Variants in GALNT7 observed in about 807,000 individuals in gnomAD.
GALNT7 encodes the protein polypeptide N-acetylgalactosaminyltransferase 7, also known as N-acetylgalactosaminyltransferase 7.
In GALNT7, 60 loss-of-function variants were observed where a neutral mutation model predicts 82.1. That is an observed-to-expected ratio of 0.73 (90% confidence interval 0.59 to 0.91). GALNT7 has a LOEUF of 0.91. GALNT7 is among the 40% of genes least tolerant of loss of function. The probability of loss-of-function intolerance (pLI) is 0.00; values close to 1 mark genes in which losing one functional copy is unlikely to be tolerated. For missense variants in GALNT7, 660 were observed against 804.2 expected (o/e 0.82, Z 2.17); for synonymous variants, 243 against 275.1 (o/e 0.88, Z 1.15).
chr4:173,294,714 G>A (rs1383601365), intron 3 of GALNT7, among the ~76,000 whole-genome samples: 1 of 152,040 alleles, frequency 6.6e-6, no homozygotes, highest in Non-Finnish European at 1.5e-5. Flanking sequence ...TGGAAATTTT[G>A]CCAAATGTGT....
At chr4:173,262,970 G>A (rs1326783408) in intron 2 of GALNT7, among the ~76,000 whole-genome samples, 1 of 152,066 alleles carries the variant, frequency 6.6e-6, no homozygotes, top group Non-Finnish European at 1.5e-5. Context: ...AGTATATTAG[G>A]GTATATTATT....
chr4:173,243,159 G>T (rs1734492124), intron 1 of GALNT7, among the ~76,000 whole-genome samples: 1 of 152,070 alleles, frequency 6.6e-6, no homozygotes, highest in Non-Finnish European at 1.5e-5. Flanking sequence ...ACTGTCATTT[G>T]CTCTAAAGAC....
chr4:173,271,150 T>C lies in GALNT7; in HGVS notation c.588-20958T>C, dbSNP rs575082456. 1.6e-4 allele frequency among the ~76,000 whole-genome samples: 24 copies of C among 152,346 alleles called. No homozygotes were observed. In the East Asian group the frequency reaches 4.6e-3, roughly 29 times the overall value. On this transcript the variant is annotated intron_variant, in intron 2 of 11. Coordinates refer to ENST00000265000, the MANE Select transcript of GALNT7 (RefSeq NM_017423.3). ...CATCTGCAAAGTGAATACGAAAATT[T>C]GGTCTAATTCTGTTAGTAAGTTGAC...
chr4:173,298,258 A>G lies in GALNT7; in HGVS notation c.1109A>G (p.Gln370Arg). Residue 370 changes from glutamine to arginine, a missense_variant, in exon 6 of 12, where the codon CAA (glutamine) becomes CGA (arginine). This residue lies in a region of GALNT7 where 527 missense variants were observed against 683.5 expected (regional missense o/e 0.77). Coordinates refer to ENST00000265000, the MANE Select transcript of GALNT7 (RefSeq NM_017423.3). The stretch of plus-strand genomic sequence containing the variant: ...TGGAAACGGGTGCCTCTGACCCCTC[A>G]AGAGAAGAGACTGAGAAAGACAAAA... ...MLWKRVPLTP[Q>R]EKRLRKTKTE... 6.3e-7 allele frequency: 1 copy of G among 1,594,398 alleles called. No individual in the cohort carries two copies. The highest frequency in any genetic ancestry group is 8.5e-7 in the Non-Finnish European group (1 of 1,173,902).
At chr4:173,178,797 A>G (rs945540186) in intron 1 of GALNT7, among the ~76,000 whole-genome samples, 4 of 152,258 alleles carry the variant, frequency 2.6e-5, no homozygotes, top group African/African-American at 7.2e-5. Context: ...TATCAATACC[A>G]ACTAGTCTGC....
chr4:173,301,344 C>G (rs1359546518), intron 6 of GALNT7, among the ~76,000 whole-genome samples: 1 of 152,030 alleles, frequency 6.6e-6, no homozygotes, highest in African/African-American at 2.4e-5. Flanking sequence ...TGTAATTTCT[C>G]CCAATGGTGG....
intron 1 of GALNT7, among the ~76,000 whole-genome samples, chr4:173,191,188 G>A (rs1327972964): frequency 6.6e-6 from 1 of 152,018 alleles, no homozygotes; most frequent in African/African-American, 2.4e-5. Flanking sequence ...GCTCACAAAA[G>A]CGCCTGGCAA....
intron 1 of GALNT7, among the ~76,000 whole-genome samples, chr4:173,194,850 A>G (rs1377116109): frequency 1.3e-5 from 2 of 152,070 alleles, no homozygotes; most frequent in Non-Finnish European, 2.9e-5. Flanking sequence ...GATAAATTTA[A>G]TCTGGTTTTC....
intron 1 of GALNT7, among the ~76,000 whole-genome samples, chr4:173,194,771 T>C (rs541110634): frequency 6.6e-6 from 1 of 152,150 alleles, no homozygotes; most frequent in Non-Finnish European, 1.5e-5. Context: ...GTATATCTCC[T>C]AATGCTTTCC....
intron 1 of GALNT7, among the ~76,000 whole-genome samples, chr4:173,212,089 G>A (rs1561156025): frequency 1.3e-5 from 2 of 152,184 alleles, no homozygotes; most frequent in Non-Finnish European, 2.9e-5. Flanking sequence ...GACAGCACAC[G>A]TGCTATACTG....
intron 1 of GALNT7, among the ~76,000 whole-genome samples, chr4:173,196,047 A>T: frequency 6.6e-6 from 1 of 152,224 alleles, no homozygotes; most frequent in Non-Finnish European, 1.5e-5. Flanking sequence ...AGGGGAAAAA[A>T]ATCTAACAGT....
At chr4:173,259,898 A>G (rs1004106628) in intron 2 of GALNT7, among the ~76,000 whole-genome samples, 8 of 152,150 alleles carry the variant, frequency 5.3e-5, no homozygotes, top group Admixed American at 2.0e-4. Context: ...TCAGCCTCCC[A>G]AAGTACTGGG....
In GALNT7 at chr4:173,321,698, A is replaced by T; in HGVS notation, c.1955A>T (p.Asn652Ile). ...AAAACGACTCAAAAATGGGAAATGAATAACATCCATAGTGTTTAGAGAGAA... is the reference window on the plus strand; with the variant it reads ...AAAACGACTCAAAAATGGGAAATGATTAACATCCATAGTGTTTAGAGAGAA... ...SSKTTQKWEM[N>I]NIHSV Residue 652 changes from asparagine to isoleucine, a missense_variant, in exon 12 of 12, where the codon AAT becomes ATT. Around this residue, in one of 2 missense-constraint regions of GALNT7, gnomAD observed 527 missense variants for 683.5 expected, o/e 0.77. Coordinates refer to ENST00000265000, the MANE Select transcript of GALNT7 (RefSeq NM_017423.3). 6.2e-7 allele frequency: 1 copy of T among 1,607,590 alleles called. No individual in the cohort carries two copies.
chr4:173,200,234 C>T (rs1176505349), intron 1 of GALNT7, among the ~76,000 whole-genome samples: 4 of 151,950 alleles, frequency 2.6e-5, no homozygotes, highest in Admixed American at 2.6e-4. Context: ...TCACCTTTTG[C>T]AACATGACAA....
chr4:173,195,782 A>G (rs1015351957), intron 1 of GALNT7, among the ~76,000 whole-genome samples: 4 of 152,202 alleles, frequency 2.6e-5, no homozygotes, highest in African/African-American at 9.7e-5. Flanking sequence ...ACTCAGATGC[A>G]TAGTCTCTTA....
intron 1 of GALNT7, among the ~76,000 whole-genome samples, chr4:173,212,088 C>T (rs902658718): frequency 6.6e-5 from 10 of 152,200 alleles, no homozygotes; most frequent in South Asian, 4.1e-4. Flanking sequence ...GGACAGCACA[C>T]GTGCTATACT....
chr4:173,196,584 G>A (rs569742557), intron 1 of GALNT7, among the ~76,000 whole-genome samples: 15 of 152,250 alleles, frequency 9.9e-5, no homozygotes, highest in South Asian at 6.2e-4. Context: ...TGTGCAGGAT[G>A]TACAGGTTTG....
intron 1 of GALNT7, among the ~76,000 whole-genome samples, chr4:173,235,313 C>T (rs78269187): frequency 0.013 from 2,013 of 152,312 alleles, 26 homozygotes; most frequent in South Asian, 0.025. Context: ...GGACACCAGG[C>T]CTGGCTTGAT....
Position 173,181,326 on chromosome 4 carries a change from T to A in GALNT7, c.126+12365T>A, listed in dbSNP as rs1056030033. 3.9e-4 allele frequency among the ~76,000 whole-genome samples: 60 copies of A among 152,340 alleles called. 1 individual carries two copies. Among genetic ancestry groups the A allele is most frequent in the African/African-American group, 1.4e-3 (60 of 41,594 alleles). On this transcript the variant is annotated intron_variant, in intron 1 of 11. Coordinates refer to ENST00000265000, the MANE Select transcript of GALNT7 (RefSeq NM_017423.3). ...TGTGTGATGGCCTCAGAGGAAATTCTAAGTCCAGTGTTCGTCAAAGAGGCT... is the reference window on the plus strand; with the variant it reads ...TGTGTGATGGCCTCAGAGGAAATTCAAAGTCCAGTGTTCGTCAAAGAGGCT...
Sources: allele counts gnomAD v4.1 joint callset (sites outside exome capture counted in the v4.1 genomes callset), GRCh38; gene constraint gnomAD v4.1.1; regional missense constraint gnomAD v4.1.1; transcripts MANE v1.5; gene names NCBI Gene and HGNC (gene_info 2026-07-23, HGNC 2026-07-21).